ALK: variants seen among roughly 807,000 people sequenced by gnomAD.
The protein encoded by ALK is ALK tyrosine kinase receptor.
Under a neutral mutation model 163.1 loss-of-function variants are expected in ALK, and 74 were observed. The observed-to-expected ratio is 0.45, with a 90% confidence interval of 0.38 to 0.55. The LOEUF (loss-of-function observed/expected upper bound fraction) is 0.55, where lower values mean the gene tolerates loss of function less well. Ranked by LOEUF, ALK falls within the 20% of genes least tolerant of loss-of-function variation. The pLI is 0.00. For synonymous variants in ALK, 960 were observed against 843.2 expected (o/e 1.14, Z -2.40); for missense variants, 2,063 against 2,105.3 (o/e 0.98, Z 0.39).
At chr2:29,374,489 GTC>G (rs1287023053) in intron 5 of ALK, among the ~76,000 whole-genome samples, 3 of 151,362 alleles carry the variant, frequency 2.0e-5, no homozygotes, top group Admixed American at 6.6e-5. Flanking sequence ...AAAAAAGACA[GTC>G]TTTGATTTTA....
intron 1 of ALK, among the ~76,000 whole-genome samples, chr2:29,722,802 C>A (rs775932387): frequency 6.6e-6 from 1 of 152,188 alleles, no homozygotes; most frequent in Non-Finnish European, 1.5e-5. Context: ...CTGAAACTTA[C>A]CATGAGCAAG....
chr2:29,316,324 T>C (rs1270532022), intron 8 of ALK, among the ~76,000 whole-genome samples: 1 of 151,898 alleles, frequency 6.6e-6, no homozygotes, highest in Admixed American at 6.6e-5. Flanking sequence ...ATAATGTGAG[T>C]GTGGAATGGA....
chr2:29,193,215 C>T lies in ALK; in HGVS notation c.*9G>A, dbSNP rs778914972. ...ATCCCAAGGAAGAGAAGTGAGTGTG[C>T]GACCGAGCTCAGGGCCCAGGCTGGT... On this transcript the variant is annotated 3_prime_UTR_variant, in exon 29 of 29. Transcript: ENST00000389048. 9 of 1,613,124 alleles carry T rather than the reference C, an allele frequency of 5.6e-6. No individual in the cohort carries two copies. The highest frequency in any genetic ancestry group is 1.1e-5 in the South Asian group (1 of 90,944).
rs77335186 is a variant in ALK at position 29,725,205 on chromosome 2, A to G, written c.668-7508T>C. ...ACAAAGAGGTTGCTCCAGAATGGCT[A>G]AAGCGTGTAAATCTGGAGCCCAAAC... is the stretch of plus-strand genomic sequence containing the variant. On this transcript the variant is annotated intron_variant, in intron 1 of 28. Coordinates refer to ENST00000389048, the MANE Select transcript of ALK (RefSeq NM_004304.5). 1.7e-3 allele frequency among the ~76,000 whole-genome samples: 257 copies of G among 151,742 alleles called. 7 individuals carry two copies. The East Asian group carries it at 0.04, about 24-fold the overall frequency.
At chr2:29,310,964 A>G (rs1666679062) in intron 8 of ALK, among the ~76,000 whole-genome samples, 1 of 152,256 alleles carries the variant, frequency 6.6e-6, no homozygotes, top group Admixed American at 6.5e-5. Context: ...TTACTCATGT[A>G]GAGAGCCTTT....
rs773054326 is a variant in ALK, at chr2:29,920,336, G to A, written c.324C>T (p.Val108=). ...GGGCTGGTGAACCGGCGGTCCAGGAGACCCCCGGCGCCGGCCCCAGCAACC... is the reference window on the plus strand; with the variant it reads ...GGGCTGGTGAACCGGCGGTCCAGGAAACCCCCGGCGCCGGCCCCAGCAACC... ...LLRLLGPAPG[V]SWTAGSPAPA... is the part of the protein sequence containing the mutation. Residue 108 remains valine, a synonymous_variant, in exon 1 of 29, where the codon GTC becomes GTT. Coordinates refer to ENST00000389048, the MANE Select transcript of ALK (RefSeq NM_004304.5). 3.9e-6 allele frequency: 6 copies of A among 1,551,548 alleles called. No individual in the cohort carries two copies. In the African/African-American group the frequency reaches 4.1e-5, roughly 11 times the overall value.
intron 1 of ALK, among the ~76,000 whole-genome samples, chr2:29,766,859 G>A (rs1485980499): frequency 2.6e-5 from 4 of 152,184 alleles, no homozygotes; most frequent in African/African-American, 9.7e-5. Context: ...AAGGAGACCA[G>A]TGCTGACAGC....
chr2:29,257,182 C>A (rs1319894206), intron 11 of ALK, among the ~76,000 whole-genome samples: 1 of 152,022 alleles, frequency 6.6e-6, no homozygotes, highest in Non-Finnish European at 1.5e-5. Context: ...GGGACGTCAC[C>A]TGCCTCTTTC....
chr2:29,759,260 C>T (rs773958184), intron 1 of ALK, among the ~76,000 whole-genome samples: 14 of 152,112 alleles, frequency 9.2e-5, no homozygotes, highest in Non-Finnish European at 1.6e-4. Flanking sequence ...TCTGCCTTTC[C>T]GTTTAGTCAA....
chr2:29,579,145 C>T (rs1354335822), intron 3 of ALK, among the ~76,000 whole-genome samples: 1 of 152,228 alleles, frequency 6.6e-6, no homozygotes, highest in African/African-American at 2.4e-5. Context: ...CCAAGTAGCA[C>T]AACAGAAAAT....
At chr2:29,402,843 T>G (rs1669480754) in intron 4 of ALK, among the ~76,000 whole-genome samples, 1 of 152,140 alleles carries the variant, frequency 6.6e-6, no homozygotes, top group South Asian at 2.1e-4. Flanking sequence ...CACCATCGCT[T>G]TCTGTTCACA....
intron 1 of ALK, among the ~76,000 whole-genome samples, chr2:29,828,727 C>G (rs1383914027): frequency 4.0e-5 from 6 of 151,308 alleles, no homozygotes; most frequent in Non-Finnish European, 7.4e-5. Flanking sequence ...GGACTGTAAA[C>G]TAGTTCAACC....
chr2:29,368,184 T>C (rs1437537536), intron 5 of ALK, among the ~76,000 whole-genome samples: 1 of 152,244 alleles, frequency 6.6e-6, no homozygotes, highest in African/African-American at 2.4e-5. Flanking sequence ...GAAGCCTTGC[T>C]TGAGCTTGCC....
intron 1 of ALK, among the ~76,000 whole-genome samples, chr2:29,747,459 C>A (rs959129924): frequency 2.0e-5 from 3 of 152,182 alleles, no homozygotes; most frequent in Non-Finnish European, 2.9e-5. Context: ...GAGTTACCAT[C>A]AGGATACATC....
rs149200344 is a variant in ALK, at chr2:29,375,019, G to A, written c.1282+8713C>T. Among the ~76,000 whole-genome samples the A allele has an allele frequency of 6.9e-3, 1,050 of 152,290 alleles. 10 individuals carry two copies. The highest frequency in any genetic ancestry group is 0.011 in the Non-Finnish European group (726 of 68,014). On this transcript the variant is annotated intron_variant, in intron 5 of 28. Transcript: ENST00000389048. The stretch of plus-strand genomic sequence containing the variant: ...GGTGGCACCTCCCCAGGTTGGCAGT[G>A]TGTGGCTCTCATCACCCTCTTGGCA...
chr2:29,920,511 T>C lies in ALK; in HGVS notation c.149A>G (p.Gln50Arg), dbSNP rs1060500222. ...GAAGTCAACTGCCAGACTCTTCCTC[T>C]GCAGGCGCGAGTAGCTGAGTGGCTC... ...PREPLSYSRL[Q>R]RKSLAVDFVV... Residue 50 changes from glutamine (Q) to arginine (R), a missense_variant, in exon 1 of 29, where the codon CAG (glutamine) becomes CGG (arginine). Physicochemically the swap from Gln to Arg is conservative, Grantham distance 43. Transcript: ENST00000389048. 2 of 1,612,566 alleles carry C rather than the reference T, an allele frequency of 1.2e-6. No homozygotes were observed. Among genetic ancestry groups the C allele is most frequent in the African/African-American group, 2.7e-5 (2 of 74,898 alleles).
intron 11 of ALK, among the ~76,000 whole-genome samples, chr2:29,264,810 A>G (rs1253895606): frequency 6.6e-6 from 1 of 152,126 alleles, no homozygotes; most frequent in African/African-American, 2.4e-5. Flanking sequence ...AGATGGACAA[A>G]CCAGAGTGGT....
chr2:29,391,394 T>C (rs1481104021), intron 4 of ALK, among the ~76,000 whole-genome samples: 1 of 151,642 alleles, frequency 6.6e-6, no homozygotes, highest in Non-Finnish European at 1.5e-5. Context: ...GTCCGCCTCC[T>C]GGCTCAAGCG....
intron 4 of ALK, among the ~76,000 whole-genome samples, chr2:29,447,521 A>C (rs1670716671): frequency 6.6e-6 from 1 of 152,228 alleles, no homozygotes; most frequent in Non-Finnish European, 1.5e-5. Flanking sequence ...CCAATGTGCA[A>C]AATAGAATAA....
Sources: allele counts gnomAD v4.1 joint callset (sites outside exome capture counted in the v4.1 genomes callset), GRCh38; gene constraint gnomAD v4.1.1; transcripts MANE v1.5; gene names NCBI Gene and HGNC (gene_info 2026-07-23, HGNC 2026-07-21).